Variants in WDR72 observed in about 807,000 individuals in gnomAD.
The protein encoded by WDR72 is WD repeat domain 72, also known as WD repeat-containing protein 72.
A neutral mutation model predicts 124.2 loss-of-function variants in WDR72; 120 were observed. The ratio of observed to expected loss-of-function variants is 0.97; its 90% CI spans 0.83 to 1.12. The LOEUF is 1.12. WDR72 is among the 50% of genes most tolerant of loss of function. The pLI is 0.00. For synonymous variants in WDR72, 452 were observed against 441.7 expected, an observed-to-expected ratio of 1.02 and a Z score of -0.29; for missense variants, 1,387 against 1,278.8, an observed-to-expected ratio of 1.08 and a Z score of -1.29.
At chr15:53,691,924 G>A (rs1777204684) in intron 13 of WDR72, among the ~76,000 whole-genome samples, 1 of 152,200 alleles carries the variant, frequency 6.6e-6, no homozygotes, top group African/African-American at 2.4e-5. Context: ...GCTCATGGAA[G>A]CTAAATATTT....
In WDR72 at chr15:53,665,567, C is replaced by T. The variant is rs747144154; in HGVS notation, c.1962+5G>A. 1.9e-6 allele frequency: 3 copies of T among 1,613,558 alleles called. No individual in the cohort carries two copies. Among genetic ancestry groups the T allele is most frequent in the African/African-American group, 2.7e-5 (2 of 74,874 alleles). On this transcript the variant is annotated splice_donor_5th_base_variant and intron_variant, in intron 14 of 19. Coordinates refer to ENST00000360509, the MANE Select transcript of WDR72 (RefSeq NM_182758.4). The stretch of plus-strand genomic sequence containing the variant: ...TTTGTGAACAACAGCTTGATTTGAA[C>T]TTACCTTACATGAAGACTCCACCTG...
intron 18 of WDR72, among the ~76,000 whole-genome samples, chr15:53,552,139 T>TGTGA (rs1360138917): frequency 6.6e-6 from 1 of 151,842 alleles, no homozygotes; most frequent in Admixed American, 6.6e-5. Context: ...TGTGTGTGTG[T>TGTGA]GTGTGTGTGT....
intron 18 of WDR72, among the ~76,000 whole-genome samples, chr15:53,580,267 A>C (rs2011845115): frequency 6.6e-6 from 1 of 152,150 alleles, no homozygotes; most frequent in Non-Finnish European, 1.5e-5. Flanking sequence ...CAAAGTGAAA[A>C]TAATAATTTC....
chr15:53,704,905 C>G (rs191642242), intron 11 of WDR72, 83 bp downstream of exon 11: 1 of 1,483,232 alleles, frequency 6.7e-7, no homozygotes, highest in African/African-American at 1.4e-5. Flanking sequence ...ATTATTTAGG[C>G]CTCTAAATCT....
chr15:53,762,644 A>C (rs530355106), upstream of WDR72: 1 of 152,238 alleles, frequency 6.6e-6, no homozygotes, highest in African/African-American at 2.4e-5. Flanking sequence ...CCAAGCCTTC[A>C]TCCTACCTCT....
chr15:53,715,256 T>A lies in WDR72; in HGVS notation c.451A>T (p.Arg151Ter). The change falls in exon 5 of 20, where the codon AGA becomes TGA. Residue 151 changes from arginine to a stop codon, truncating the protein, a stop_gained. Coordinates refer to ENST00000360509, the MANE Select transcript of WDR72 (RefSeq NM_182758.4). LOFTEE classifies it high-confidence loss of function. Reference protein sequence around the residue: ...AKTLAVVHSFRSSQFPDWINC... With the variant: ...AKTLAVVHSF ...ATCCAGTCAGGAAACTGAGATGATCTAAAACTGTGAACAACAGCCAAAGTT... is the reference window on the plus strand; with the variant it reads ...ATCCAGTCAGGAAACTGAGATGATCAAAAACTGTGAACAACAGCCAAAGTT... 1.2e-6 allele frequency: 2 copies of A among 1,614,172 alleles called. No individual in the cohort carries two copies. Among genetic ancestry groups the A allele is most frequent in the Non-Finnish European group, 1.7e-6 (2 of 1,180,016 alleles).
intron 7 of WDR72, among the ~76,000 whole-genome samples, 172 bp downstream of exon 7, chr15:53,712,598 CCA>C (rs1156753629): frequency 2.4e-5 from 3 of 123,866 alleles, no homozygotes; most frequent in African/African-American, 8.3e-5. Context: ...GTCAACCACC[CCA>C]CCGCCAAAAA....
chr15:53,562,004 GAACAAGA>G lies in WDR72; in HGVS notation c.3148+35068_3148+35074del, dbSNP rs1331516759. ...TTTATTGTTAATTGAGTTATATTAA[GAACAAGA>G]AACAAGATAACATTAATACATTTTT... On this transcript the variant is annotated intron_variant, in intron 18 of 19. Transcript: ENST00000360509. Among the ~76,000 whole-genome samples the G allele has an allele frequency of 2.6e-5, 4 of 151,826 alleles. No homozygotes were observed. In the East Asian group the frequency reaches 7.8e-4, roughly 30 times the overall value.
intron 14 of WDR72, among the ~76,000 whole-genome samples, chr15:53,650,684 G>A (rs892976452): frequency 6.6e-6 from 1 of 151,986 alleles, no homozygotes; most frequent in South Asian, 2.1e-4. Flanking sequence ...CCACAGACAG[G>A]GTTAGCCTCA....
In WDR72 at chr15:53,517,551, T is replaced by G; in HGVS notation, c.*148A>C. 2 of 781,392 alleles carry G rather than the reference T, an allele frequency of 2.6e-6. No homozygotes were observed. Among genetic ancestry groups the G allele is most frequent in the South Asian group, 2.9e-5 (2 of 69,788 alleles). 48.4% of individuals were successfully genotyped at this position (781,392 alleles called of 1,614,324 possible). A position where few individuals can be genotyped will look rare whatever the true frequency, so the allele number is the denominator to read the frequency against. ...GTAATCAGCATGTATTAAAATCACT[T>G]TAATACATGTTGGCTAAAGTATTAG... On this transcript the variant is annotated 3_prime_UTR_variant, in exon 20 of 20. Transcript: ENST00000360509.
intron 4 of WDR72, 64 bp from the exon 5 acceptor site, chr15:53,715,431 T>C (rs949710141): frequency 6.9e-6 from 11 of 1,591,816 alleles, no homozygotes; most frequent in Middle Eastern, 1.7e-4. Context: ...TTTGGCTACA[T>C]TGAAGATTTC....
intron 14 of WDR72, among the ~76,000 whole-genome samples, chr15:53,657,060 C>T (rs548922231): frequency 7.2e-5 from 11 of 151,778 alleles, no homozygotes; most frequent in Admixed American, 2.6e-4. Flanking sequence ...GTCAGGAGAT[C>T]GAGACCATCC....
At chr15:53,660,979 T>G (rs549406666) in intron 14 of WDR72, among the ~76,000 whole-genome samples, 1 of 152,170 alleles carries the variant, frequency 6.6e-6, no homozygotes, top group Non-Finnish European at 1.5e-5. Flanking sequence ...GTAGACTGTC[T>G]AGATCATAAA....
chr15:53,646,300 G>A (rs1395004035), intron 14 of WDR72, among the ~76,000 whole-genome samples: 7 of 151,778 alleles, frequency 4.6e-5, no homozygotes, highest in Admixed American at 2.0e-4. Context: ...TTTATATCTC[G>A]TGCTTATAAA....
chr15:53,676,853 T>C (rs2016190446), intron 13 of WDR72, among the ~76,000 whole-genome samples: 1 of 152,160 alleles, frequency 6.6e-6, no homozygotes, highest in Non-Finnish European at 1.5e-5. Context: ...GGCAGTACTT[T>C]TACTCAGAAC....
intron 14 of WDR72, among the ~76,000 whole-genome samples, chr15:53,645,614 C>T (rs897764252): frequency 2.0e-5 from 3 of 152,060 alleles, no homozygotes; most frequent in Non-Finnish European, 2.9e-5. Flanking sequence ...ATGCTAAACA[C>T]AGAAAAACTA....
intron 18 of WDR72, among the ~76,000 whole-genome samples, chr15:53,551,398 T>A (rs1384631234): frequency 6.6e-6 from 1 of 152,146 alleles, no homozygotes; most frequent in Non-Finnish European, 1.5e-5. Flanking sequence ...CTGTAAGAAA[T>A]ATGTCTTGGA....
At chr15:53,562,893 T>C (rs1894173250) in intron 18 of WDR72, among the ~76,000 whole-genome samples, 1 of 151,826 alleles carries the variant, frequency 6.6e-6, no homozygotes, top group Admixed American at 6.6e-5. Flanking sequence ...TGATGAACAA[T>C]TTTAAGGTCT....
intron 14 of WDR72, among the ~76,000 whole-genome samples, chr15:53,650,582 A>G (rs1438501615): frequency 6.6e-6 from 1 of 152,052 alleles, no homozygotes; most frequent in Non-Finnish European, 1.5e-5. Context: ...CTTCTTCCCC[A>G]TCTTCATATT....
Sources: gnomAD v4.1 joint callset for allele counts (sites outside exome capture counted in the v4.1 genomes callset) on GRCh38, gnomAD v4.1.1 for gene constraint, MANE v1.5 for transcripts, NCBI Gene and HGNC (gene_info 2026-07-23, HGNC 2026-07-21) for gene names.